MAML3: variants seen among roughly 807,000 people sequenced by gnomAD.
MAML3 encodes mastermind like transcriptional coactivator 3, also known as mastermind-like protein 3.
In MAML3, 27 loss-of-function variants were observed where a neutral mutation model predicts 101.9. That is an observed-to-expected ratio of 0.27 (90% CI 0.20 to 0.37). The LOEUF (loss-of-function observed/expected upper bound fraction) is 0.37. Ranked by LOEUF, MAML3 falls within the 10% of genes least tolerant of loss-of-function variation. The pLI is 1.00. For missense variants in MAML3, 1,316 were observed against 1,444.9 expected, an observed-to-expected ratio of 0.91 and a Z score of 1.45; for synonymous variants, 501 against 555.9, an observed-to-expected ratio of 0.90 and a Z score of 1.39.
intron 1 of MAML3, among the ~76,000 whole-genome samples, chr4:140,097,758 T>A (rs1313615284): frequency 6.6e-6 from 1 of 152,196 alleles, no homozygotes; most frequent in Non-Finnish European, 1.5e-5. Context: ...CACAACCTCA[T>A]CTCCAAGCTC....
At chr4:139,844,363 C>A (rs1731407994) in intron 2 of MAML3, among the ~76,000 whole-genome samples, 1 of 152,220 alleles carries the variant, frequency 6.6e-6, no homozygotes, top group South Asian at 2.1e-4. Flanking sequence ...CTTCTGGTCA[C>A]ACTGTTGAAC....
chr4:139,881,326 T>C (rs569758725), intron 2 of MAML3, among the ~76,000 whole-genome samples: 75 of 152,242 alleles, frequency 4.9e-4, no homozygotes, highest in African/African-American at 1.6e-3. Context: ...AAAGTCTACA[T>C]AGAACTTAGT....
intron 1 of MAML3, among the ~76,000 whole-genome samples, chr4:140,040,048 G>A (rs1316933197): frequency 6.6e-6 from 1 of 152,180 alleles, no homozygotes; most frequent in African/African-American, 2.4e-5. Context: ...CAGTCAACAA[G>A]AGAGGGGTTA....
intron 1 of MAML3, among the ~76,000 whole-genome samples, chr4:140,138,924 T>A (rs189114158): frequency 1.3e-5 from 2 of 152,344 alleles, no homozygotes; most frequent in African/African-American, 4.8e-5. Context: ...TGCGTATATG[T>A]TAACAAGATA....
chr4:139,775,295 T>G (rs1730072132), intron 2 of MAML3, among the ~76,000 whole-genome samples: 1 of 152,140 alleles, frequency 6.6e-6, no homozygotes, highest in African/African-American at 2.4e-5. Flanking sequence ...AGGCAGGCAG[T>G]CAGAAGAGAA....
chr4:139,726,625 A>C (rs1054931564), intron 3 of MAML3, among the ~76,000 whole-genome samples: 17 of 152,224 alleles, frequency 1.1e-4, no homozygotes, highest in African/African-American at 3.9e-4. Flanking sequence ...GGAGTTATAC[A>C]AAAAAGGCTA....
At position 140,152,804 on chromosome 4, in the gene MAML3, CA is replaced by C. The variant is rs879665911; in HGVS notation, c.468+55del. On this transcript the variant is annotated intron_variant, in intron 1 of 4. Coordinates refer to ENST00000509479, the MANE Select transcript of MAML3 (RefSeq NM_018717.5). ...CATGTAAGAAGCTCCACGCGCCCCC[CA>C]CCACCACCACCACCCCCAACGCGCG... is the stretch of plus-strand genomic sequence containing the variant. 6,190 of 1,545,284 alleles carry C rather than the reference CA, an allele frequency of 4.0e-3. 221 individuals are homozygous for C. The African/African-American group carries it at 0.07, about 18-fold the overall frequency.
intron 1 of MAML3, among the ~76,000 whole-genome samples, chr4:139,939,858 C>T (rs929523802): frequency 2.6e-5 from 4 of 151,014 alleles, no homozygotes; most frequent in African/African-American, 4.9e-5. Flanking sequence ...TCCGCCTCCT[C>T]GATTCAAGCG....
chr4:140,096,907 A>T (rs76205474), intron 1 of MAML3, among the ~76,000 whole-genome samples: 1 of 138,558 alleles, frequency 7.2e-6, no homozygotes, highest in Non-Finnish European at 1.6e-5. Flanking sequence ...GATTTTTTTT[A>T]AGGAGTTTTA....
At chr4:139,726,361 C>T (rs1728473036) in intron 3 of MAML3, among the ~76,000 whole-genome samples, 2 of 152,168 alleles carry the variant, frequency 1.3e-5, no homozygotes, top group Non-Finnish European at 2.9e-5. Context: ...TTTGGTGTTT[C>T]TAGTTTTTGT....
intron 2 of MAML3, among the ~76,000 whole-genome samples, chr4:139,857,693 A>C (rs1024752840): frequency 1.3e-5 from 2 of 152,170 alleles, no homozygotes; most frequent in African/African-American, 4.8e-5. Context: ...ATTGAGCCAA[A>C]ATTTGTCTTT....
chr4:140,133,481 G>GAT (rs2111043291), intron 1 of MAML3, among the ~76,000 whole-genome samples: 1 of 152,292 alleles, frequency 6.6e-6, no homozygotes, highest in African/African-American at 2.4e-5. Flanking sequence ...ACCACAAAGT[G>GAT]ATAGTATTGC....
chr4:140,153,333 TC>T lies in MAML3; in HGVS notation c.-7del, dbSNP rs1240262586. 2 of 1,574,956 alleles carry T rather than the reference TC, an allele frequency of 1.3e-6. No individual in the cohort carries two copies. Among genetic ancestry groups the T allele is most frequent in the Admixed American group, 1.8e-5 (1 of 54,422 alleles). On this transcript the variant is annotated 5_prime_UTR_variant, in exon 1 of 5. Coordinates refer to ENST00000509479, the MANE Select transcript of MAML3 (RefSeq NM_018717.5). ...GGGGCTGCGAAATCCCCCATCCTGCTCCCCGGGCACACTATTTTGGAAGAAC... is the reference window on the plus strand; with the variant it reads ...GGGGCTGCGAAATCCCCCATCCTGCTCCCGGGCACACTATTTTGGAAGAAC...
Position 139,719,450 on chromosome 4 carries a change from C to T in MAML3, c.3290G>A (p.Ser1097Asn), listed in dbSNP as rs1728135743. The T allele has an allele frequency of 6.2e-7, 1 of 1,614,026 alleles. No individual in the cohort carries two copies. The highest frequency in any genetic ancestry group is 1.1e-5 in the South Asian group (1 of 91,080). The part of the protein sequence containing the change: ...NAPQDVSYNY[S>N]GDGAGGSFPG... ...GAAGGAACCCCCAGCTCCGTCGCCA[C>T]TGTAATTGTATGACACGTCCTGAGG... The change falls in exon 5 of 5, where the codon AGT becomes AAT. Residue 1097 changes from serine to asparagine, a missense_variant. Coordinates refer to ENST00000509479, the MANE Select transcript of MAML3 (RefSeq NM_018717.5).
intron 4 of MAML3, among the ~76,000 whole-genome samples, chr4:139,725,131 A>G (rs1193883577): frequency 2.0e-5 from 3 of 152,170 alleles, no homozygotes; most frequent in Non-Finnish European, 1.5e-5. Context: ...AGGAGTGCCA[A>G]CACTGACATA....
At chr4:139,743,035 C>T (rs1180929171) in intron 2 of MAML3, among the ~76,000 whole-genome samples, 1 of 152,232 alleles carries the variant, frequency 6.6e-6, no homozygotes. Context: ...CTACCACCCC[C>T]TCATTTTTCC....
At chr4:139,753,455 T>C (rs769619883) in intron 2 of MAML3, among the ~76,000 whole-genome samples, 5 of 152,250 alleles carry the variant, frequency 3.3e-5, no homozygotes, top group Middle Eastern at 3.4e-3. Flanking sequence ...ATGTGATTAA[T>C]ATGCATGATG....
chr4:139,907,404 T>C (rs1488854281), intron 1 of MAML3, among the ~76,000 whole-genome samples: 1 of 152,224 alleles, frequency 6.6e-6, no homozygotes, highest in Non-Finnish European at 1.5e-5. Context: ...CTCTTAACTC[T>C]GAACTTGGCA....
chr4:139,957,974 C>A (rs543819182), intron 1 of MAML3, among the ~76,000 whole-genome samples: 3 of 152,300 alleles, frequency 2.0e-5, no homozygotes, highest in South Asian at 4.1e-4. Flanking sequence ...AAATTAGCAT[C>A]TATTCACCAT....
Sources: gnomAD v4.1 joint callset for allele counts (sites outside exome capture counted in the v4.1 genomes callset) on GRCh38, gnomAD v4.1.1 for gene constraint, MANE v1.5 for transcripts, NCBI Gene and HGNC (gene_info 2026-07-23, HGNC 2026-07-21) for gene names.